CTNNA3: variants seen among roughly 807,000 people sequenced by gnomAD.
CTNNA3 encodes the protein catenin alpha 3.
In CTNNA3, 76 loss-of-function variants were observed where a neutral mutation model predicts 95.7. The ratio of observed to expected loss-of-function variants is 0.79; its 90% CI spans 0.66 to 0.96. CTNNA3 has a LOEUF of 0.96. Ranked by LOEUF, CTNNA3 falls within the 40% of genes least tolerant of loss-of-function variation. The pLI, the probability that CTNNA3 is intolerant of heterozygous loss-of-function variation, is 0.00. For synonymous variants in CTNNA3, 431 were observed against 374.4 expected (o/e 1.15, Z -1.74); for missense variants, 1,191 against 1,089.8 (o/e 1.09, Z -1.31).
At chr10:66,146,782 C>G (rs2083908470) in intron 13 of CTNNA3, among the ~76,000 whole-genome samples, 1 of 152,120 alleles carries the variant, frequency 6.6e-6, no homozygotes, top group Non-Finnish European at 1.5e-5. Flanking sequence ...GTCTCAAACT[C>G]CTGAGCTCAA....
chr10:67,372,780 G>A (rs1390428791), intron 5 of CTNNA3, among the ~76,000 whole-genome samples: 3 of 152,114 alleles, frequency 2.0e-5, no homozygotes, highest in African/African-American at 2.4e-5. Context: ...CAGATCTCTC[G>A]GCAGAAACTC....
chr10:67,492,270 C>T (rs147132839), intron 5 of CTNNA3, among the ~76,000 whole-genome samples: 4 of 151,938 alleles, frequency 2.6e-5, no homozygotes, highest in Non-Finnish European at 5.9e-5. Context: ...TTAAGATTTA[C>T]AGGAAAAAAG....
chr10:67,260,683 G>T (rs1263412643), intron 5 of CTNNA3, among the ~76,000 whole-genome samples: 1 of 147,960 alleles, frequency 6.8e-6, no homozygotes. Context: ...TTGTTTTTTT[G>T]TTTTTTTTTT....
chr10:67,051,198 T>A (rs1260925896), intron 7 of CTNNA3, among the ~76,000 whole-genome samples: 7 of 152,222 alleles, frequency 4.6e-5, no homozygotes, highest in Admixed American at 4.6e-4. Context: ...TTATTATTCC[T>A]CTAGTTCTCA....
At chr10:66,536,392 G>T (rs191017632) in intron 10 of CTNNA3, among the ~76,000 whole-genome samples, 255 of 151,312 alleles carry the variant, frequency 1.7e-3, no homozygotes, top group African/African-American at 6.1e-3. Context: ...AGAGGCAGGG[G>T]AGTCGCTTGA....
chr10:67,409,719 A>G lies in CTNNA3; in HGVS notation c.579+112123T>C, dbSNP rs1845294580. Among the ~76,000 whole-genome samples, 3 of 152,156 alleles carry G rather than the reference A, an allele frequency of 2.0e-5. No homozygotes were observed. The South Asian group carries it at 6.2e-4, about 32-fold the overall frequency. ...TGTTTACCTATGTAACAAACCTGCA[A>G]ATCTTGCACATGTACTCTGGAACTT... On this transcript the variant is annotated intron_variant, in intron 5 of 17. Transcript: ENST00000433211.
intron 9 of CTNNA3, among the ~76,000 whole-genome samples, chr10:66,722,133 CT>C (rs1365311833): frequency 6.6e-6 from 1 of 152,126 alleles, no homozygotes. Flanking sequence ...AATCCCAGCA[CT>C]TTGGGAGGCT....
intron 5 of CTNNA3, among the ~76,000 whole-genome samples, chr10:67,231,802 A>G (rs2132301206): frequency 6.6e-6 from 1 of 152,364 alleles, no homozygotes; most frequent in East Asian, 1.9e-4. Flanking sequence ...GAACCAATAC[A>G]GAGAAGTGCT....
At position 66,928,094 on chromosome 10, in the gene CTNNA3, C is replaced by T; in HGVS notation, c.1048-152570G>A. 3.1e-6 allele frequency: 5 copies of T among 1,614,064 alleles called. No individual in the cohort carries two copies. Among genetic ancestry groups the T allele is most frequent in the Non-Finnish European group, 4.2e-6 (5 of 1,180,034 alleles). ...CCCAGGCCGAAGCATGAGAGCAAACCCCCTTTGCCCCCGACGGTGGGAGCC... is the reference window on the plus strand; with the variant it reads ...CCCAGGCCGAAGCATGAGAGCAAACTCCCTTTGCCCCCGACGGTGGGAGCC... On this transcript the variant is annotated intron_variant, in intron 7 of 17. Coordinates refer to ENST00000433211, the MANE Select transcript of CTNNA3 (RefSeq NM_013266.4).
chr10:66,151,852 A>C (rs2084215986), intron 13 of CTNNA3, among the ~76,000 whole-genome samples: 1 of 151,984 alleles, frequency 6.6e-6, no homozygotes, highest in African/African-American at 2.4e-5. Flanking sequence ...AGGTTGAATA[A>C]TAAGTTATAG....
intron 5 of CTNNA3, among the ~76,000 whole-genome samples, chr10:67,337,754 C>T (rs1842046644): frequency 6.6e-6 from 1 of 152,140 alleles, no homozygotes; most frequent in Non-Finnish European, 1.5e-5. Flanking sequence ...AGGTAAGACC[C>T]TTCACTAGCA....
At chr10:66,389,911 T>C (rs1267337592) in intron 11 of CTNNA3, among the ~76,000 whole-genome samples, 1 of 152,088 alleles carries the variant, frequency 6.6e-6, no homozygotes, top group Non-Finnish European at 1.5e-5. Flanking sequence ...GCTGTTTTAA[T>C]TTTTTATAGA....
intron 7 of CTNNA3, among the ~76,000 whole-genome samples, chr10:67,089,175 G>T (rs975384492): frequency 3.9e-5 from 6 of 151,968 alleles, no homozygotes; most frequent in African/African-American, 1.4e-4. Flanking sequence ...GATACTGAGG[G>T]AGGACTGTAC....
At chr10:67,700,362 C>A (rs910247936), upstream of CTNNA3, among the ~76,000 whole-genome samples, 1 of 152,230 alleles carries the variant, frequency 6.6e-6, no homozygotes, top group Non-Finnish European at 1.5e-5. Flanking sequence ...AGCAGCCTAA[C>A]TGGGAGGCAC....
At chr10:66,790,925 CT>C (rs2132878165) in intron 7 of CTNNA3, among the ~76,000 whole-genome samples, 1 of 152,236 alleles carries the variant, frequency 6.6e-6, no homozygotes, top group South Asian at 2.1e-4. Flanking sequence ...ACATCAAAAC[CT>C]CTTATTTACT....
intron 13 of CTNNA3, among the ~76,000 whole-genome samples, chr10:66,229,889 A>T (rs2089503685): frequency 6.6e-6 from 1 of 151,998 alleles, no homozygotes; most frequent in Non-Finnish European, 1.5e-5. Flanking sequence ...CTTATATCCT[A>T]TAGAGTTTCT....
At chr10:66,544,097 ATTTAC>A in intron 10 of CTNNA3, among the ~76,000 whole-genome samples, 1 of 151,780 alleles carries the variant, frequency 6.6e-6, no homozygotes, top group East Asian at 1.9e-4. Context: ...GTATTTTAGA[ATTTAC>A]TTCACACAGT....
intron 13 of CTNNA3, among the ~76,000 whole-genome samples, chr10:66,162,627 A>G (rs1403472613): frequency 6.6e-6 from 1 of 151,942 alleles, no homozygotes; most frequent in African/African-American, 2.4e-5. Flanking sequence ...GGGGGGTGCT[A>G]TGGACTCCAT....
chr10:66,485,611 A>T (rs989930279), intron 11 of CTNNA3, among the ~76,000 whole-genome samples: 1 of 152,188 alleles, frequency 6.6e-6, no homozygotes, highest in Admixed American at 6.5e-5. Context: ...ATAAATGGAA[A>T]TATGTACCAT....
Sources: allele counts gnomAD v4.1 joint callset (sites outside exome capture counted in the v4.1 genomes callset), GRCh38; gene constraint gnomAD v4.1.1; transcripts MANE v1.5; gene names NCBI Gene and HGNC (gene_info 2026-07-23, HGNC 2026-07-21).